The following UTRN variants were observed in gnomAD, a reference collection of about 807,000 sequenced individuals.
UTRN encodes utrophin, also known as dystrophin-related protein 1.
UTRN carries 283 observed loss-of-function variants against 463.9 expected under a neutral mutation model. That is an observed-to-expected ratio of 0.61 (90% CI 0.55 to 0.67). The LOEUF (loss-of-function observed/expected upper bound fraction) is 0.67, where lower values mean the gene tolerates loss of function less well. Among genes scored for constraint, UTRN ranks in the 30% least tolerant of loss-of-function variants. The pLI is 0.00. For missense variants in UTRN, 3,922 were observed against 4,084.3 expected (o/e 0.96, Z 1.08); for synonymous variants, 1,442 against 1,431.5 (o/e 1.01, Z -0.17).
chr6:144,604,714 GA>G (rs1804646751), intron 51 of UTRN, among the ~76,000 whole-genome samples: 4 of 152,070 alleles, frequency 2.6e-5, no homozygotes, highest in Admixed American at 2.0e-4. Flanking sequence ...AGGAGTTCGA[GA>G]CCAGCCTGGC....
Position 144,461,282 on chromosome 6 carries a change from G to A in UTRN, c.2793G>A (p.Gln931=). Residue 931 remains glutamine, a synonymous_variant, in exon 22 of 75, where the codon CAG becomes CAA. Coordinates refer to ENST00000367545, the MANE Select transcript of UTRN (RefSeq NM_007124.3). ...DVLNDSENKA[Q]VSLNVLNDLA... ...TAAATGATTCAGAAAATAAGGCCCA[G>A]GTGTCTCTGAATGTCCTTAATGATC... The A allele has an allele frequency of 6.2e-7, 1 of 1,607,004 alleles. No homozygotes were observed. Among genetic ancestry groups the A allele is most frequent in the East Asian group, 2.2e-5 (1 of 44,778 alleles).
Position 144,751,832 on chromosome 6 carries a change from C to G in UTRN, c.8235C>G (p.Ile2745Met). 1 of 1,608,230 alleles carries G rather than the reference C, an allele frequency of 6.2e-7. No individual in the cohort carries two copies. The highest frequency in any genetic ancestry group is 8.5e-7 in the Non-Finnish European group (1 of 1,177,694). Residue 2745 changes from isoleucine (I) to methionine (M), a missense_variant, in exon 56 of 75, where the codon ATC (isoleucine) becomes ATG (methionine). Physicochemically the swap from Ile to Met is conservative, Grantham distance 10 (BLOSUM62 1). Coordinates refer to ENST00000367545, the MANE Select transcript of UTRN (RefSeq NM_007124.3). Reference sequence around the variant, plus strand: ...CATTTAGAGAAGAAATTGCACCAATCAACTTTAAAGTTAAAACGGTGAATG... The same window carrying G: ...CATTTAGAGAAGAAATTGCACCAATGAACTTTAAAGTTAAAACGGTGAATG... ...IMAFREEIAP[I>M]NFKVKTVNDL...
At chr6:144,453,545 T>C (rs1788535954) in intron 18 of UTRN, among the ~76,000 whole-genome samples, 1 of 152,220 alleles carries the variant, frequency 6.6e-6, no homozygotes, top group Non-Finnish European at 1.5e-5. Flanking sequence ...TGAATAGATA[T>C]CCTGGATCTA....
At chr6:144,751,151 G>T (rs9484904) in intron 55 of UTRN, among the ~76,000 whole-genome samples, 338 of 152,134 alleles carry the variant, frequency 2.2e-3, no homozygotes, top group African/African-American at 7.9e-3. Flanking sequence ...TCAAGTTGTT[G>T]CATTTGGTGA....
chr6:144,550,903 T>C, intron 47 of UTRN, 62 bp from the exon 48 acceptor site: 1 of 1,398,286 alleles, frequency 7.2e-7, no homozygotes, highest in Non-Finnish European at 9.6e-7. Context: ...CACAACTGTT[T>C]TGCTTATTAT....
chr6:144,715,550 G>A (rs1471143687), intron 53 of UTRN, among the ~76,000 whole-genome samples: 1 of 151,754 alleles, frequency 6.6e-6, no homozygotes, highest in Non-Finnish European at 1.5e-5. Flanking sequence ...CACTGGTTTC[G>A]GCCACACTGG....
At chr6:144,384,790 T>G (rs901158853) in intron 2 of UTRN, among the ~76,000 whole-genome samples, 1 of 152,240 alleles carries the variant, frequency 6.6e-6, no homozygotes, top group African/African-American at 2.4e-5. Flanking sequence ...TATCACATTT[T>G]GCTAATTAAT....
intron 50 of UTRN, 86 bp from the exon 51 acceptor site, chr6:144,577,012 TG>T: frequency 7.5e-7 from 1 of 1,336,908 alleles, no homozygotes; most frequent in East Asian, 2.4e-5. Flanking sequence ...GGGGGCTGCC[TG>T]TTAGTTTTTT....
intron 2 of UTRN, among the ~76,000 whole-genome samples, chr6:144,298,283 A>G (rs1337279546): frequency 6.6e-6 from 1 of 152,172 alleles, no homozygotes; most frequent in African/African-American, 2.4e-5. Flanking sequence ...TGGCTCTTGG[A>G]CTGAGAAATT....
At chr6:144,635,928 C>T (rs1315939930) in intron 51 of UTRN, among the ~76,000 whole-genome samples, 1 of 152,022 alleles carries the variant, frequency 6.6e-6, no homozygotes, top group Admixed American at 6.6e-5. Flanking sequence ...GCTGTGACTT[C>T]TTAGAAAATT....
chr6:144,373,200 C>CTGAAAATATCCATGT (rs1780157548), intron 2 of UTRN, among the ~76,000 whole-genome samples: 1 of 152,084 alleles, frequency 6.6e-6, no homozygotes, highest in Non-Finnish European at 1.5e-5. Flanking sequence ...CATATGTTCA[C>CTGAAAATATCCATGT]ACAAAAACTT....
chr6:144,341,931 A>G (rs964616179), intron 2 of UTRN, among the ~76,000 whole-genome samples: 1 of 152,220 alleles, frequency 6.6e-6, no homozygotes, highest in African/African-American at 2.4e-5. Flanking sequence ...CCTATTGGAA[A>G]ATAGCCACTG....
intron 2 of UTRN, among the ~76,000 whole-genome samples, chr6:144,317,343 C>T (rs868213560): frequency 7.9e-5 from 12 of 152,242 alleles, no homozygotes; most frequent in African/African-American, 2.4e-4. Flanking sequence ...GCAGGAAGTT[C>T]GCCAACGATT....
intron 63 of UTRN, among the ~76,000 whole-genome samples, chr6:144,796,445 C>G (rs1586610216): frequency 6.6e-6 from 1 of 152,108 alleles, no homozygotes; most frequent in Non-Finnish European, 1.5e-5. Flanking sequence ...TAATAAATAT[C>G]TGCTAAAGAA....
intron 3 of UTRN, among the ~76,000 whole-genome samples, chr6:144,407,239 C>G (rs1189530368): frequency 6.6e-6 from 1 of 152,034 alleles, no homozygotes; most frequent in South Asian, 2.1e-4. Flanking sequence ...TAGTAGGTAT[C>G]CAGTAAACTA....
rs539508427 is a variant in UTRN at position 144,592,341 on chromosome 6, C to A, written c.7479+15053C>A. On this transcript the variant is annotated intron_variant, in intron 51 of 74. Transcript: ENST00000367545. ...GAATAGCATAACTGGACCAAAAGGA[C>A]CAGAACAATGAAAAGCTTTTTAAAT... 4.6e-5 allele frequency among the ~76,000 whole-genome samples: 7 copies of A among 151,978 alleles called. No homozygotes were observed. The South Asian group carries it at 6.3e-4, about 14-fold the overall frequency.
intron 58 of UTRN, among the ~76,000 whole-genome samples, chr6:144,762,839 G>T (rs955430778): frequency 6.6e-6 from 1 of 152,288 alleles, no homozygotes; most frequent in South Asian, 2.1e-4. Flanking sequence ...TATACATCCG[G>T]CCTGTTGGTA....
At chr6:144,498,843 G>A (rs772023481) in intron 33 of UTRN, among the ~76,000 whole-genome samples, 1 of 151,956 alleles carries the variant, frequency 6.6e-6, no homozygotes, top group Non-Finnish European at 1.5e-5. Context: ...TTTACAAAAT[G>A]AGGTCTTTCA....
chr6:144,434,368 G>A (rs773670513), intron 9 of UTRN, among the ~76,000 whole-genome samples: 24 of 151,758 alleles, frequency 1.6e-4, no homozygotes, highest in Non-Finnish European at 2.9e-4. Context: ...GAGAGGGAGC[G>A]AAGTTTTGAA....
Sources: gnomAD v4.1 joint callset for allele counts (sites outside exome capture counted in the v4.1 genomes callset) on GRCh38, gnomAD v4.1.1 for gene constraint, MANE v1.5 for transcripts, NCBI Gene and HGNC (gene_info 2026-07-23, HGNC 2026-07-21) for gene names.